Variants in SLC44A5 observed in about 807,000 individuals in gnomAD.
SLC44A5 encodes the protein solute carrier family 44 member 5.
Under a neutral mutation model 101.8 loss-of-function variants are expected in SLC44A5, and 57 were observed. The ratio of observed to expected loss-of-function variants is 0.56; its 90% CI spans 0.45 to 0.70. The LOEUF (loss-of-function observed/expected upper bound fraction) is 0.70, where lower values mean the gene tolerates loss of function less well. Ranked by LOEUF, SLC44A5 falls within the 30% of genes least tolerant of loss-of-function variation. The probability of loss-of-function intolerance (pLI) is 0.00; values close to 1 mark genes in which losing one functional copy is unlikely to be tolerated. For missense variants in SLC44A5, 737 were observed against 853.1 expected (o/e 0.86, Z 1.70); for synonymous variants, 281 against 290.9 (o/e 0.97, Z 0.35).
chr1:75,300,737 T>C, intron 4 of SLC44A5, 52 bp from the exon 5 acceptor site: 1 of 1,213,746 alleles, frequency 8.2e-7, no homozygotes, highest in Non-Finnish European at 1.1e-6. Flanking sequence ...AATGACTTCC[T>C]GTTTCCTGCA....
intron 1 of SLC44A5, among the ~76,000 whole-genome samples, chr1:75,589,445 T>C (rs1344308138): frequency 6.6e-6 from 1 of 152,192 alleles, no homozygotes; most frequent in Non-Finnish European, 1.5e-5. Context: ...AGAAATTTGT[T>C]TGATAAACTG....
chr1:75,326,973 GA>G (rs1656648370), intron 4 of SLC44A5, among the ~76,000 whole-genome samples: 1 of 151,938 alleles, frequency 6.6e-6, no homozygotes, highest in African/African-American at 2.4e-5. Context: ...TTTTCAGGAA[GA>G]AAACATTAAG....
At chr1:75,633,157 T>C in the SLC44A5 span, among the ~76,000 whole-genome samples, 1 of 152,136 alleles carries the variant, frequency 6.6e-6, no homozygotes, top group Non-Finnish European at 1.5e-5. Context: ...TTACTTAAAA[T>C]GCAAGCTCTT....
intron 2 of SLC44A5, among the ~76,000 whole-genome samples, chr1:75,472,246 C>A (rs758804009): frequency 6.6e-6 from 1 of 151,866 alleles, no homozygotes; most frequent in African/African-American, 2.4e-5. Context: ...GAAAGTGTGC[C>A]GAGCACCTGT....
At chr1:75,247,353 G>A (rs1454022780) in intron 7 of SLC44A5, among the ~76,000 whole-genome samples, 2 of 152,070 alleles carry the variant, frequency 1.3e-5, no homozygotes, top group African/African-American at 4.8e-5. Flanking sequence ...CAATTTTAGG[G>A]ATAAAGTCAG....
intron 2 of SLC44A5, among the ~76,000 whole-genome samples, chr1:75,529,143 A>G (rs976307375): frequency 3.3e-5 from 5 of 152,346 alleles, no homozygotes; most frequent in African/African-American, 1.2e-4. Context: ...CCTGATGAAG[A>G]CTGATAAATG....
At chr1:75,512,632 T>G (rs931348540) in intron 2 of SLC44A5, among the ~76,000 whole-genome samples, 1 of 152,174 alleles carries the variant, frequency 6.6e-6, no homozygotes, top group African/African-American at 2.4e-5. Context: ...CAACATAATA[T>G]GCACACAAGT....
chr1:75,344,043 C>T (rs1391864081), intron 3 of SLC44A5, among the ~76,000 whole-genome samples: 4 of 151,926 alleles, frequency 2.6e-5, no homozygotes, highest in African/African-American at 9.7e-5. Context: ...ATGTATGGTT[C>T]CCCCCTTTTC....
intron 12 of SLC44A5, among the ~76,000 whole-genome samples, chr1:75,231,802 G>A (rs777342360): frequency 6.6e-6 from 1 of 152,034 alleles, no homozygotes; most frequent in Non-Finnish European, 1.5e-5. Context: ...TTAAATAGAT[G>A]CTCATAAACC....
At chr1:75,311,627 G>T (rs372436616) in intron 4 of SLC44A5, 1 of 924,902 alleles carries the variant, frequency 1.1e-6, no homozygotes, top group Middle Eastern at 5.5e-4. Flanking sequence ...ATTTTGTGCC[G>T]GATACTGTGG....
intron 2 of SLC44A5, among the ~76,000 whole-genome samples, chr1:75,458,306 G>A (rs1666302870): frequency 6.6e-6 from 1 of 152,192 alleles, no homozygotes; most frequent in South Asian, 2.1e-4. Flanking sequence ...TGAAGAAATG[G>A]TTTGGTCATG....
Position 75,397,280 on chromosome 1 carries a change from C to T in SLC44A5, c.14-659G>A, listed in dbSNP as rs185287297. ...CAGCATCCTAATGCTTCAAGTGTCACATATGTTAAACAAAAACACTAATGC... is the reference window on the plus strand; with the variant it reads ...CAGCATCCTAATGCTTCAAGTGTCATATATGTTAAACAAAAACACTAATGC... On this transcript the variant is annotated intron_variant, in intron 2 of 23. Transcript: ENST00000370859. 2.2e-4 allele frequency among the ~76,000 whole-genome samples: 33 copies of T among 152,272 alleles called. 2 individuals carry two copies. Among genetic ancestry groups the T allele is most frequent in the Admixed American group, 2.0e-3 (31 of 15,278 alleles).
the SLC44A5 span, chr1:75,641,364 C>A: frequency 2.6e-6 from 2 of 781,290 alleles, no homozygotes; most frequent in Admixed American, 2.0e-5. Flanking sequence ...GTATCGTCTC[C>A]GGGCATAAAC....
At chr1:75,438,744 A>G (rs1665027042) in intron 2 of SLC44A5, among the ~76,000 whole-genome samples, 3 of 152,136 alleles carry the variant, frequency 2.0e-5, no homozygotes, top group Non-Finnish European at 4.4e-5. Flanking sequence ...AAGCATCCCA[A>G]TTTAGGCCCA....
intron 2 of SLC44A5, among the ~76,000 whole-genome samples, chr1:75,449,353 A>T (rs1043253453): frequency 5.3e-5 from 8 of 152,148 alleles, no homozygotes; most frequent in Non-Finnish European, 1.2e-4. Flanking sequence ...AAGAACCTCA[A>T]ATTACAAATC....
At position 75,202,871 on chromosome 1, in the gene SLC44A5, CAAAG is replaced by C. The variant is rs570664060; in HGVS notation, c.*852_*855del. On this transcript the variant is annotated 3_prime_UTR_variant, in exon 24 of 24. Transcript: ENST00000370859. Reference sequence around the variant, plus strand: ...ACTTCTCTTTTAGTAAAAAAAAAAACAAAGAAATCCAACAAGTGTTCTTTCGGGG... The same window carrying C: ...ACTTCTCTTTTAGTAAAAAAAAAAACAAATCCAACAAGTGTTCTTTCGGGG... 7.1e-4 allele frequency: 106 copies of C among 148,586 alleles called. No individual in the cohort carries two copies. The highest frequency in any genetic ancestry group is 2.6e-3 in the African/African-American group (104 of 40,226). 9.2% of individuals were successfully genotyped at this position (148,586 alleles called of 1,614,324 possible).
chr1:75,540,982 A>G (rs1570569195), intron 2 of SLC44A5, among the ~76,000 whole-genome samples: 1 of 152,220 alleles, frequency 6.6e-6, no homozygotes, highest in African/African-American at 2.4e-5. Flanking sequence ...TTGTTTCTCT[A>G]AGGAGCAAGC....
Position 75,218,415 on chromosome 1 carries a change from A to C in SLC44A5, c.1529+75T>G, listed in dbSNP as rs1647005925. 3.2e-6 allele frequency: 5 copies of C among 1,541,248 alleles called. No homozygotes were observed. The South Asian group carries it at 6.0e-5, about 19-fold the overall frequency. ...TCATTTGTACCTTGCCACTTGAATT[A>C]ATGAGCCAAGACTGAATTACAAGCA... On this transcript the variant is annotated intron_variant, in intron 17 of 23. Transcript: ENST00000370859.
chr1:75,716,257 T>C, the SLC44A5 span, among the ~76,000 whole-genome samples: 1 of 152,110 alleles, frequency 6.6e-6, no homozygotes, highest in African/African-American at 2.4e-5. Flanking sequence ...AGGTGGAGGA[T>C]TGCTTGAGTC....
Sources: allele counts gnomAD v4.1 joint callset (sites outside exome capture counted in the v4.1 genomes callset), GRCh38; gene constraint gnomAD v4.1.1; transcripts MANE v1.5; gene names NCBI Gene and HGNC (gene_info 2026-07-23, HGNC 2026-07-21).